LIPG: variants seen among roughly 807,000 people sequenced by gnomAD.
LIPG encodes the protein endothelial lipase.
A neutral mutation model predicts 51.8 loss-of-function variants in LIPG; 34 were observed. That is an observed-to-expected ratio of 0.66 (90% confidence interval 0.50 to 0.87). LIPG has a LOEUF of 0.87. Ranked by LOEUF, LIPG falls within the 40% of genes least tolerant of loss-of-function variation. LIPG has a pLI of 0.00. For missense variants in LIPG, 580 were observed against 652.7 expected, an observed-to-expected ratio of 0.89 and a Z score of 1.21; for synonymous variants, 246 against 246.1, an observed-to-expected ratio of 1.00 and a Z score of 0.00.
chr18:49,569,111 T>G (rs2084636625), intron 3 of LIPG, among the ~76,000 whole-genome samples: 1 of 151,936 alleles, frequency 6.6e-6, no homozygotes, highest in South Asian at 2.1e-4. Flanking sequence ...TTTGACCTCC[T>G]CACCATCACC....
intron 3 of LIPG, among the ~76,000 whole-genome samples, chr18:49,568,009 G>A (rs2084625307): frequency 6.6e-6 from 1 of 151,908 alleles, no homozygotes; most frequent in Non-Finnish European, 1.5e-5. Flanking sequence ...GGTGGGGAGG[G>A]GGTTATTTCA....
chr18:49,583,431 G>T, intron 7 of LIPG, 125 bp from the exon 8 acceptor site: 1 of 780,044 alleles, frequency 1.3e-6, no homozygotes. Context: ...GATAGAGGTG[G>T]GGAAAGCACT....
At position 49,581,440 on chromosome 18, in the gene LIPG, G is replaced by T. The variant is rs745702647; in HGVS notation, c.819G>T (p.Glu273Asp). 3.2e-5 allele frequency: 51 copies of T among 1,614,082 alleles called. No individual in the cohort carries two copies. The highest frequency in any genetic ancestry group is 8.5e-7 in the Non-Finnish European group (1 of 1,180,054). ...YGTITEVVKC[E>D]HERAVHLFVD... ...CAATCACAGAGGTGGTAAAATGTGA[G>T]CATGAGCGAGCCGTCCACCTCTTTG... The change falls in exon 6 of 10, where the codon GAG (glutamate) becomes GAT (aspartate). Residue 273 changes from glutamate (E) to aspartate (D), a missense_variant. Coordinates refer to ENST00000261292, the MANE Select transcript of LIPG (RefSeq NM_006033.4).
At chr18:49,580,685 A>C (rs898442624) in intron 5 of LIPG, among the ~76,000 whole-genome samples, 1 of 152,170 alleles carries the variant, frequency 6.6e-6, no homozygotes, top group Non-Finnish European at 1.5e-5. Flanking sequence ...GCAAACCTGC[A>C]AGCCATATTT....
chr18:49,582,093 T>C (rs1280593491), intron 6 of LIPG, among the ~76,000 whole-genome samples: 3 of 152,220 alleles, frequency 2.0e-5, no homozygotes, highest in African/African-American at 7.2e-5. Flanking sequence ...GAGAGGTTAA[T>C]ACCTTGGTCC....
rs1600576631 is a variant in LIPG at position 49,596,648 on chromosome 18, A to G, written c.*6126A>G. 6.6e-6 allele frequency: 1 copy of G among 151,256 alleles called. No homozygotes were observed. Among genetic ancestry groups the G allele is most frequent in the East Asian group, 1.9e-4 (1 of 5,162 alleles). The allele number at this position is 151,256 out of a possible 1,614,324, so 9.4% of individuals were successfully genotyped here. A position where few individuals can be genotyped will look rare whatever the true frequency, so the allele number is the denominator to read the frequency against. ...AAATCTCTATCTCAAAAAAAAAAAA[A>G]AAAAAAAAAAGGCCACAGAAATGTC... On this transcript the variant is annotated 3_prime_UTR_variant, in exon 10 of 10. Transcript: ENST00000261292.
intron 4 of LIPG, among the ~76,000 whole-genome samples, chr18:49,574,123 T>G (rs1419706198): frequency 6.6e-6 from 1 of 152,200 alleles, no homozygotes; most frequent in Non-Finnish European, 1.5e-5. Context: ...ATTTCATCCC[T>G]TAACTTTCTC....
intron 5 of LIPG, among the ~76,000 whole-genome samples, chr18:49,578,187 G>A (rs1424571602): frequency 1.3e-5 from 2 of 149,206 alleles, no homozygotes; most frequent in Admixed American, 6.6e-5. Context: ...CCTCCCAGAT[G>A]GGGTGGCTGC....
chr18:49,569,990 C>T (rs543228848), intron 4 of LIPG, among the ~76,000 whole-genome samples: 2 of 152,326 alleles, frequency 1.3e-5, no homozygotes, highest in South Asian at 2.1e-4. Context: ...TGGATAGAGC[C>T]CTGGCCCCAA....
chr18:49,569,816 T>A (rs1261664263), intron 4 of LIPG, among the ~76,000 whole-genome samples: 1 of 152,162 alleles, frequency 6.6e-6, no homozygotes, highest in Non-Finnish European at 1.5e-5. Flanking sequence ...GTGTTAGCCT[T>A]GCCAGTGTGG....
rs890927924 is a variant in LIPG, at chr18:49,595,435, A to T, written c.*4913A>T. ...TCTGCTCATTTAAGAAACAGAGACA[A>T]TACTGCTCAGGGTTGTTGTGAATGT... is the stretch of plus-strand genomic sequence containing the variant. On this transcript the variant is annotated 3_prime_UTR_variant, in exon 10 of 10. Coordinates refer to ENST00000261292, the MANE Select transcript of LIPG (RefSeq NM_006033.4). The T allele has an allele frequency of 6.6e-6, 1 of 152,230 alleles. No individual in the cohort carries two copies. 9.4% of individuals were successfully genotyped at this position (152,230 alleles called of 1,614,324 possible). A position where few individuals can be genotyped will look rare whatever the true frequency, so the allele number is the denominator to read the frequency against.
chr18:49,583,832 C>T, intron 8 of LIPG, 58 bp downstream of exon 8: 3 of 1,469,742 alleles, frequency 2.0e-6, no homozygotes, highest in Non-Finnish European at 2.8e-6. Flanking sequence ...AAGGCTGTGC[C>T]TGTGACATTT....
chr18:49,586,715 G>A, intron 8 of LIPG, 31 bp from the exon 9 acceptor site: 1 of 1,495,386 alleles, frequency 6.7e-7, no homozygotes, highest in Non-Finnish European at 9.3e-7. Context: ...CTAAAGTTCT[G>A]CCTACATCAG....
At position 49,583,568 on chromosome 18, in the gene LIPG, C is replaced by T. The variant is rs776284980; in HGVS notation, c.1170C>T (p.Ile390=). 30 of 1,614,054 alleles carry T rather than the reference C, an allele frequency of 1.9e-5. No homozygotes were observed. The highest frequency in any genetic ancestry group is 8.8e-5 in the South Asian group (8 of 91,066). Residue 390 remains isoleucine, a synonymous_variant, in exon 8 of 10, where the codon ATC becomes ATT. Coordinates refer to ENST00000261292, the MANE Select transcript of LIPG (RefSeq NM_006033.4). ...QTLPLEIVER[I]EQNATNTFLV... is the part of the protein sequence containing the mutation. Reference sequence around the variant, plus strand: ...CTCCCACTTGTAGAGTGGAGCGGATCGAGCAGAATGCCACCAACACCTTCC... The same window carrying T: ...CTCCCACTTGTAGAGTGGAGCGGATTGAGCAGAATGCCACCAACACCTTCC...
At chr18:49,583,841 T>A in intron 8 of LIPG, 67 bp downstream of exon 8, 2 of 1,414,032 alleles carry the variant, frequency 1.4e-6, no homozygotes, top group Non-Finnish European at 1.9e-6. Flanking sequence ...CCTGTGACAT[T>A]TCCTTTCCTT....
intron 4 of LIPG, among the ~76,000 whole-genome samples, chr18:49,572,426 G>A (rs913878951): frequency 3.3e-5 from 5 of 152,074 alleles, no homozygotes; most frequent in Non-Finnish European, 5.9e-5. Context: ...AACATTCTAC[G>A]GAGGGGGAAA....
intron 4 of LIPG, among the ~76,000 whole-genome samples, chr18:49,574,568 C>A (rs937318644): frequency 6.6e-6 from 1 of 152,220 alleles, no homozygotes; most frequent in Non-Finnish European, 1.5e-5. Context: ...ACTCTCTCCC[C>A]CAACGCACAC....
intron 6 of LIPG, 152 bp downstream of exon 6, chr18:49,581,809 T>A: frequency 3.1e-6 from 3 of 954,048 alleles, no homozygotes; most frequent in South Asian, 1.4e-5. Context: ...GTGCATGTCC[T>A]AGGAAAGGGA....
chr18:49,570,776 C>A (rs559457725), intron 4 of LIPG, among the ~76,000 whole-genome samples: 2 of 152,136 alleles, frequency 1.3e-5, no homozygotes, highest in South Asian at 4.1e-4. Flanking sequence ...TTGCAGTGAG[C>A]CGAGATTGTG....
Sources: gnomAD v4.1 joint callset for allele counts (sites outside exome capture counted in the v4.1 genomes callset) on GRCh38, gnomAD v4.1.1 for gene constraint, MANE v1.5 for transcripts, NCBI Gene and HGNC (gene_info 2026-07-23, HGNC 2026-07-21) for gene names.